GNAI2: variants seen among roughly 807,000 people sequenced by gnomAD.
The protein encoded by GNAI2 is G protein subunit alpha i2.
In GNAI2, 4 loss-of-function variants were observed where a neutral mutation model predicts 36.8. That is an observed-to-expected ratio of 0.11 (90% CI 0.05 to 0.25). The LOEUF is 0.25. GNAI2 is among the 10% of genes least tolerant of loss of function. The probability of loss-of-function intolerance (pLI) is 1.00; values close to 1 mark genes in which losing one functional copy is unlikely to be tolerated. For missense variants in GNAI2, 230 were observed against 481.3 expected (o/e 0.48, Z 4.89); for synonymous variants, 194 against 194.1 (o/e 1.00, Z 0.01).
At chr3:50,258,024 G>A in intron 8 of GNAI2, 1 of 252,078 alleles carries the variant, frequency 4.0e-6, no homozygotes, top group South Asian at 1.3e-4. Flanking sequence ...CACCCACCAG[G>A]CCATTGGCCC....
chr3:50,245,108 C>T (rs868972807), intron 1 of GNAI2, among the ~76,000 whole-genome samples: 2 of 152,032 alleles, frequency 1.3e-5, no homozygotes, highest in South Asian at 4.1e-4. Flanking sequence ...AAGTGATTCT[C>T]CTGCCTCAGC....
chr3:50,233,031 G>A (rs1221530471), upstream of GNAI2, among the ~76,000 whole-genome samples: 1 of 151,756 alleles, frequency 6.6e-6, no homozygotes, highest in Non-Finnish European at 1.5e-5. Flanking sequence ...GGCAATCAAA[G>A]AAGTCAGGCT....
chr3:50,240,930 A>AAAAAG (rs1700285466), intron 1 of GNAI2, among the ~76,000 whole-genome samples: 1 of 122,666 alleles, frequency 8.2e-6, no homozygotes, highest in Admixed American at 7.5e-5. Flanking sequence ...AAAAAAAAAA[A>AAAAAG]AAAAAAGAAA....
chr3:50,254,385 ATTG>A (rs1700639323), intron 4 of GNAI2, among the ~76,000 whole-genome samples: 1 of 151,848 alleles, frequency 6.6e-6, no homozygotes, highest in Non-Finnish European at 1.5e-5. Context: ...TTTTGCTCCT[ATTG>A]TTCATCCAAT....
chr3:50,257,931 G>C (rs1305666996), intron 8 of GNAI2: 9 of 451,188 alleles, frequency 2.0e-5, no homozygotes, highest in Non-Finnish European at 3.5e-5. Flanking sequence ...GCCTGGCCCA[G>C]TGGTCCAGAC....
chr3:50,246,758 G>C, intron 1 of GNAI2: 2 of 489,674 alleles, frequency 4.1e-6, no homozygotes, highest in Admixed American at 4.0e-5. Context: ...AGGTGTGCCT[G>C]GCTTTCTGGG....
chr3:50,240,580 A>C (rs1553700902), intron 1 of GNAI2, among the ~76,000 whole-genome samples: 3 of 152,126 alleles, frequency 2.0e-5, no homozygotes, highest in African/African-American at 7.2e-5. Context: ...CCCTGCAGCC[A>C]CAGGTTATGG....
rs901697911 is a variant in GNAI2 at position 50,242,689 on chromosome 3, C to T, written c.118+6236C>T. On this transcript the variant is annotated intron_variant, in intron 1 of 8. Coordinates refer to ENST00000313601, the MANE Select transcript of GNAI2 (RefSeq NM_002070.4). The surrounding 1 kb of genome is among the most constrained non-coding windows in gnomAD (Gnocchi z 4.8). ...GGGAGGAAGAATCTTTCTGGAATAACCAAACATTTGCTGGGCTGGTTCTTC... is the reference window on the plus strand; with the variant it reads ...GGGAGGAAGAATCTTTCTGGAATAATCAAACATTTGCTGGGCTGGTTCTTC... 1.3e-5 allele frequency among the ~76,000 whole-genome samples: 2 copies of T among 152,158 alleles called. No individual in the cohort carries two copies. Among genetic ancestry groups the T allele is most frequent in the Admixed American group, 1.3e-4 (2 of 15,274 alleles).
chr3:50,238,534 T>C lies in GNAI2; in HGVS notation c.118+2081T>C, dbSNP rs1700233820. The C allele has an allele frequency of 6.6e-6, 1 of 152,348 alleles. No homozygotes were observed. The highest frequency in any genetic ancestry group is 2.1e-4 in the South Asian group (1 of 4,838). The allele number at this position is 152,348 out of a possible 1,614,324, so 9.4% of individuals were successfully genotyped here. ...CCTGGGGTCCTGGCCTTCTGGCCTT[T>C]GCTTACTCTGTGAAATGGGCTTCCT... On this transcript the variant is annotated intron_variant, in intron 1 of 8. Transcript: ENST00000313601. The surrounding 1 kb of genome is among the most constrained non-coding windows in gnomAD (Gnocchi z 5.0).
At position 50,253,052 on chromosome 3, in the gene GNAI2, C is replaced by A; in HGVS notation, c.332C>A (p.Ser111Tyr). ...ADDARQLFAL[S>Y]CTAEEQGVLP... is the part of the protein sequence containing the mutation. Reference sequence around the variant, plus strand: ...GACGCCAGGCAGCTATTTGCACTGTCCTGCACCGCCGAGGAGCAAGGCGTG... The same window carrying A: ...GACGCCAGGCAGCTATTTGCACTGTACTGCACCGCCGAGGAGCAAGGCGTG... The change falls in exon 4 of 9, where the codon TCC (serine) becomes TAC (tyrosine). Residue 111 changes from serine (S) to tyrosine (Y), a missense_variant. Physicochemically the swap from Ser to Tyr is moderately radical, Grantham distance 144. This residue lies in a region of GNAI2 where 132 missense variants were observed against 247.4 expected (regional missense o/e 0.53). Coordinates refer to ENST00000313601, the MANE Select transcript of GNAI2 (RefSeq NM_002070.4). The surrounding 1 kb of genome is among the most constrained non-coding windows in gnomAD (Gnocchi z 4.2). 6.2e-7 allele frequency: 1 copy of A among 1,610,992 alleles called. No homozygotes were observed. The highest frequency in any genetic ancestry group is 8.5e-7 in the Non-Finnish European group (1 of 1,177,976).
chr3:50,245,274 A>G (rs1700390226), intron 1 of GNAI2, among the ~76,000 whole-genome samples: 1 of 152,178 alleles, frequency 6.6e-6, no homozygotes, highest in Non-Finnish European at 1.5e-5. Context: ...CTGGGAATAC[A>G]GGCGTGAGCC....
intron 1 of GNAI2, among the ~76,000 whole-genome samples, chr3:50,240,703 G>C (rs587659484): frequency 9.9e-4 from 151 of 152,230 alleles, no homozygotes; most frequent in Non-Finnish European, 1.8e-3. Flanking sequence ...GATCACCTGA[G>C]GTCAGGAGTT....
At chr3:50,228,895 C>T (rs1346629166), upstream of GNAI2, among the ~76,000 whole-genome samples, 3 of 152,164 alleles carry the variant, frequency 2.0e-5, no homozygotes, top group African/African-American at 7.2e-5. Context: ...GATGCTTGTG[C>T]GTCCAGAACT....
intron 1 of GNAI2, among the ~76,000 whole-genome samples, chr3:50,245,729 T>TC (rs1700404157): frequency 6.6e-6 from 1 of 152,204 alleles, no homozygotes; most frequent in Admixed American, 6.5e-5. Context: ...TGCCTGAGTT[T>TC]CCCTCTGTGC....
rs782604084 is a variant in GNAI2 at position 50,251,614 on chromosome 3, G to A, written c.119-486G>A. On this transcript the variant is annotated intron_variant, in intron 1 of 8. Coordinates refer to ENST00000313601, the MANE Select transcript of GNAI2 (RefSeq NM_002070.4). ...AGCTGAAGTGTGACGCTGTGCTCCT[G>A]CTTAGGCCCCTGGTTGCTAAGGCTC... is the stretch of plus-strand genomic sequence containing the variant. 4 of 1,279,188 alleles carry A rather than the reference G, an allele frequency of 3.1e-6. No individual in the cohort carries two copies. The African/African-American group carries it at 6.1e-5, about 19-fold the overall frequency. The allele number at this position is 1,279,188 out of a possible 1,614,324, so 79.2% of individuals were successfully genotyped here.
chr3:50,240,423 G>T (rs1252136914), intron 1 of GNAI2, among the ~76,000 whole-genome samples: 1 of 152,110 alleles, frequency 6.6e-6, no homozygotes, highest in Non-Finnish European at 1.5e-5. Context: ...TGGGGAAAGG[G>T]CCACCCTCCC....
rs587772408 is a variant in GNAI2, at chr3:50,241,731, G to A, written c.118+5278G>A. On this transcript the variant is annotated intron_variant, in intron 1 of 8. Coordinates refer to ENST00000313601, the MANE Select transcript of GNAI2 (RefSeq NM_002070.4). The surrounding 1 kb of genome is among the most constrained non-coding windows in gnomAD (Gnocchi z 5.0). ...CGGGACACAGGCTTCCATGTCAGAA[G>A]CCCTGAGGCAGCATCACACCACCCA... is the stretch of plus-strand genomic sequence containing the variant. Among the ~76,000 whole-genome samples the A allele has an allele frequency of 2.0e-5, 3 of 152,230 alleles. No individual in the cohort carries two copies. Among genetic ancestry groups the A allele is most frequent in the Non-Finnish European group, 4.4e-5 (3 of 68,020 alleles).
intron 1 of GNAI2, among the ~76,000 whole-genome samples, chr3:50,249,128 C>G (rs1386575744): frequency 1.3e-5 from 2 of 152,164 alleles, no homozygotes; most frequent in African/African-American, 2.4e-5. Context: ...GACCTCAGGT[C>G]CCCCATGCCC....
Position 50,259,108 on chromosome 3 carries a change from G to C in GNAI2, c.*765G>C. 2 of 358,694 alleles carry C rather than the reference G, an allele frequency of 5.6e-6. No homozygotes were observed. Among genetic ancestry groups the C allele is most frequent in the Non-Finnish European group, 1.1e-5 (2 of 184,486 alleles). The allele number at this position is 358,694 out of a possible 1,614,324, so 22.2% of individuals were successfully genotyped here. The stretch of plus-strand genomic sequence containing the variant: ...TCCACAGAATTGGGTTCCAAGGGCT[G>C]TTCCAGACAACTGCCAACGTCACTG... On this transcript the variant is annotated 3_prime_UTR_variant, in exon 9 of 9. Transcript: ENST00000313601.
Sources: gnomAD v4.1 joint callset for allele counts (sites outside exome capture counted in the v4.1 genomes callset) on GRCh38, gnomAD v4.1.1 for gene constraint, gnomAD v4.1.1 regional missense constraint, Gnocchi (gnomAD v3.1) non-coding constraint, MANE v1.5 for transcripts, NCBI Gene and HGNC (gene_info 2026-07-23, HGNC 2026-07-21) for gene names.